Variants in CCDC62 observed in about 807,000 individuals in gnomAD.
CCDC62 encodes the protein coiled-coil domain containing 62.
A neutral mutation model predicts 80.8 loss-of-function variants in CCDC62; 72 were observed. The ratio of observed to expected loss-of-function variants is 0.89; its 90% CI spans 0.74 to 1.08. The LOEUF (loss-of-function observed/expected upper bound fraction) is 1.08, where lower values mean the gene tolerates loss of function less well. Among genes scored for constraint, CCDC62 ranks in the 50% least tolerant of loss-of-function variants. The probability of loss-of-function intolerance (pLI) is 0.00; values close to 1 mark genes in which losing one functional copy is unlikely to be tolerated. For missense variants in CCDC62, 704 were observed against 809.4 expected (o/e 0.87, Z 1.58); for synonymous variants, 286 against 296.5 (o/e 0.96, Z 0.36).
chr12:122,812,783 GAAAGAAAGAAAGAAAGAAAGAA>G (rs2031983282), intron 10 of CCDC62, among the ~76,000 whole-genome samples: 1 of 111,882 alleles, frequency 8.9e-6, no homozygotes, highest in African/African-American at 4.4e-5. Context: ...GAGAGAGAAA[GAAAGAAAGAAAGAAAGAAAGAA>G]AGAAAGAAAG....
chr12:122,814,612 A>G (rs928205778), intron 11 of CCDC62, among the ~76,000 whole-genome samples: 1 of 150,332 alleles, frequency 6.7e-6, no homozygotes, highest in African/African-American at 2.5e-5. Flanking sequence ...GGTTCAAGCA[A>G]TTCTCCTGTT....
At chr12:122,781,363 C>A in intron 3 of CCDC62, 33 bp downstream of exon 3, 1 of 1,589,494 alleles carries the variant, frequency 6.3e-7, no homozygotes. Context: ...CTTCACTAGT[C>A]CAAATTCCCT....
At chr12:122,797,985 G>A (rs4759393) in intron 7 of CCDC62, 100 bp from the exon 8 acceptor site, 556,861 of 645,718 alleles carry the variant, frequency 0.86, 243,028 homozygotes, top group Non-Finnish European at 0.92. Flanking sequence ...TATCTGACCT[G>A]TTTTAGGATT....
chr12:122,803,515 G>A (rs1263692721), intron 9 of CCDC62, among the ~76,000 whole-genome samples: 1 of 152,110 alleles, frequency 6.6e-6, no homozygotes, highest in African/African-American at 2.4e-5. Context: ...TTTCTATATT[G>A]AGAGGCGTAT....
chr12:122,782,428 G>A (rs550557231), intron 3 of CCDC62, among the ~76,000 whole-genome samples: 3 of 152,276 alleles, frequency 2.0e-5, no homozygotes, highest in Admixed American at 1.3e-4. Context: ...GTATAATCAA[G>A]TTTTGGTAGC....
chr12:122,814,791 A>C (rs997992017), intron 11 of CCDC62, among the ~76,000 whole-genome samples: 2 of 151,664 alleles, frequency 1.3e-5, no homozygotes, highest in African/African-American at 4.9e-5. Flanking sequence ...TACAAGCATG[A>C]GCCACCCTGC....
intron 8 of CCDC62, among the ~76,000 whole-genome samples, chr12:122,798,776 C>T (rs1238901870): frequency 1.3e-5 from 2 of 150,994 alleles, no homozygotes; most frequent in Non-Finnish European, 2.9e-5. Flanking sequence ...AGCCAAACTC[C>T]GTCTCAAAAA....
chr12:122,822,286 A>G (rs1180307555), intron 11 of CCDC62, among the ~76,000 whole-genome samples: 1 of 151,744 alleles, frequency 6.6e-6, no homozygotes, highest in Non-Finnish European at 1.5e-5. Context: ...TCGTCTTTTT[A>G]GTAGAGACAG....
At chr12:122,802,471 T>A (rs377083723) in intron 9 of CCDC62, among the ~76,000 whole-genome samples, 82 of 147,498 alleles carry the variant, frequency 5.6e-4, no homozygotes, top group African/African-American at 2.0e-3. Flanking sequence ...TGGAGTGCAG[T>A]GGCGCAGTCT....
rs2031824220 is a variant in CCDC62, at chr12:122,810,555, C to CTTTTATACT, written c.1852-2710_1852-2709insTACTTTTTA. Among the ~76,000 whole-genome samples the CTTTTATACT allele has an allele frequency of 1.3e-5, 2 of 151,310 alleles. 1 individual carries two copies. Among genetic ancestry groups the CTTTTATACT allele is most frequent in the Admixed American group, 1.3e-4 (2 of 15,156 alleles). ...GAGAGGATGTGGAGAAATAGAAACACTTTTACACTGTTGGTGGGACTGTAA... is the reference window on the plus strand; with the variant it reads ...GAGAGGATGTGGAGAAATAGAAACACTTTTATACTTTTTACACTGTTGGTGGGACTGTAA... On this transcript the variant is annotated intron_variant, in intron 10 of 12. Transcript: ENST00000253079.
At chr12:122,787,240 G>A (rs904594160) in intron 4 of CCDC62, among the ~76,000 whole-genome samples, 11 of 152,096 alleles carry the variant, frequency 7.2e-5, no homozygotes, top group African/African-American at 1.9e-4. Flanking sequence ...TTGAGGTCAG[G>A]AGTTTGAGAC....
chr12:122,781,357 A>C (rs768038054), intron 3 of CCDC62, 27 bp downstream of exon 3: 1 of 1,599,120 alleles, frequency 6.3e-7, no homozygotes, highest in East Asian at 2.2e-5. Flanking sequence ...GATAAGCTTC[A>C]CTAGTCCAAA....
At position 122,781,032 on chromosome 12, in the gene CCDC62, A is replaced by G. The variant is rs1396649676; in HGVS notation, c.230-132A>G. On this transcript the variant is annotated intron_variant, in intron 2 of 12. Coordinates refer to ENST00000253079, the MANE Select transcript of CCDC62 (RefSeq NM_201435.5). Reference sequence around the variant, plus strand: ...TAGGTGTGATATTGTGCATTTCATAATAAAAGGTTTTAAAAGAAGATTGTC... The same window carrying G: ...TAGGTGTGATATTGTGCATTTCATAGTAAAAGGTTTTAAAAGAAGATTGTC... 4.5e-6 allele frequency: 3 copies of G among 671,486 alleles called. No homozygotes were observed. In the African/African-American group the frequency reaches 5.5e-5, roughly 12 times the overall value. 41.6% of individuals were successfully genotyped at this position (671,486 alleles called of 1,614,324 possible).
intron 9 of CCDC62, among the ~76,000 whole-genome samples, chr12:122,804,713 A>G (rs1388083184): frequency 1.3e-5 from 2 of 151,722 alleles, no homozygotes; most frequent in Admixed American, 6.6e-5. Context: ...ACCTTATTCC[A>G]TGTTGTTTTT....
rs1593780116 is a variant in CCDC62, at chr12:122,781,238, G to C, written c.304G>C (p.Glu102Gln). 6.2e-7 allele frequency: 1 copy of C among 1,613,848 alleles called. No homozygotes were observed. Residue 102 changes from glutamate (E) to glutamine (Q), a missense_variant, in exon 3 of 13, where the codon GAA (glutamate) becomes CAA (glutamine). Transcript: ENST00000253079. The stretch of plus-strand genomic sequence containing the variant: ...AAAAGCTCTTGAATCCAATCAAATG[G>C]AATGCCAAACAGCTCTCCAAAAGAC... ...KVKALESNQM[E>Q]CQTALQKTQL... is the part of the protein sequence containing the mutation.
rs770699086 is a variant in CCDC62, at chr12:122,827,115, A to C, written c.*734A>C. 5.3e-5 allele frequency: 8 copies of C among 152,230 alleles called. No homozygotes were observed. Among genetic ancestry groups the C allele is most frequent in the African/African-American group, 1.4e-4 (6 of 41,464 alleles). The allele number at this position is 152,230 out of a possible 1,614,324, so 9.4% of individuals were successfully genotyped here. ...CACTTCCATTTTAACTTGTAAAGTA[A>C]TTTAATTTTTTAAAGATTATACTAT... On this transcript the variant is annotated 3_prime_UTR_variant, in exon 13 of 13. Transcript: ENST00000253079.
chr12:122,785,986 G>A (rs1477153142), intron 4 of CCDC62, among the ~76,000 whole-genome samples, 166 bp downstream of exon 4: 1 of 152,178 alleles, frequency 6.6e-6, no homozygotes, highest in East Asian at 1.9e-4. Context: ...TTAAAATGAT[G>A]TTCCCAAGGC....
intron 8 of CCDC62, among the ~76,000 whole-genome samples, chr12:122,800,164 CTTTTTTTTTTT>C (rs59113229): frequency 1.9e-5 from 2 of 104,924 alleles, no homozygotes; most frequent in Non-Finnish European, 3.8e-5. Flanking sequence ...TGCCCGGCTA[CTTTTTTTTTTT>C]TTTTTTTTTT....
chr12:122,789,947 T>G (rs2030499410), intron 5 of CCDC62, among the ~76,000 whole-genome samples: 1 of 152,186 alleles, frequency 6.6e-6, no homozygotes, highest in Non-Finnish European at 1.5e-5. Context: ...TCTAGGTATT[T>G]GGTATTTATT....
Sources: allele counts gnomAD v4.1 joint callset (sites outside exome capture counted in the v4.1 genomes callset), GRCh38; gene constraint gnomAD v4.1.1; transcripts MANE v1.5; gene names NCBI Gene and HGNC (gene_info 2026-07-23, HGNC 2026-07-21).